Variants in ADGRB3 observed in about 807,000 individuals in gnomAD.
ADGRB3 encodes brain-specific angiogenesis inhibitor 3.
A neutral mutation model predicts 193.4 loss-of-function variants in ADGRB3; 37 were observed. That is an observed-to-expected ratio of 0.19 (90% CI 0.15 to 0.25). The LOEUF (loss-of-function observed/expected upper bound fraction) is 0.25. Ranked by LOEUF, ADGRB3 falls within the 10% of genes least tolerant of loss-of-function variation. The pLI is 1.00. For missense variants in ADGRB3, 1,637 were observed against 1,852.9 expected, an observed-to-expected ratio of 0.88 and a Z score of 2.14; for synonymous variants, 690 against 644.2, an observed-to-expected ratio of 1.07 and a Z score of -1.08.
chr6:69,343,160 AT>A (rs978007343), intron 26 of ADGRB3, among the ~76,000 whole-genome samples: 42 of 143,604 alleles, frequency 2.9e-4, no homozygotes, highest in South Asian at 1.1e-3. Context: ...ATTTTTTTTT[AT>A]TTTTTTTTCC....
rs529731165 is a variant in ADGRB3 at position 68,702,308 on chromosome 6, G to A, written c.757+62876G>A. On this transcript the variant is annotated intron_variant, in intron 3 of 31. Coordinates refer to ENST00000370598, the MANE Select transcript of ADGRB3 (RefSeq NM_001704.3). ...TCACTTTTGCAAAAATAGCACCAAGGGGATGGTACTAAACCATTCATGAGA... is the reference window on the plus strand; with the variant it reads ...TCACTTTTGCAAAAATAGCACCAAGAGGATGGTACTAAACCATTCATGAGA... Among the ~76,000 whole-genome samples, 7 of 151,980 alleles carry A rather than the reference G, an allele frequency of 4.6e-5. 1 individual carries two copies. In the South Asian group the frequency reaches 1.5e-3, roughly 32 times the overall value.
At chr6:68,920,835 A>G (rs1403264913) in intron 3 of ADGRB3, among the ~76,000 whole-genome samples, 1 of 152,176 alleles carries the variant, frequency 6.6e-6, no homozygotes, top group Admixed American at 6.5e-5. Context: ...TTAAAGCACA[A>G]TGTACAAATG....
At chr6:68,905,386 C>A (rs908127543) in intron 3 of ADGRB3, among the ~76,000 whole-genome samples, 1 of 152,122 alleles carries the variant, frequency 6.6e-6, no homozygotes, top group Non-Finnish European at 1.5e-5. Flanking sequence ...TAAGTTAATT[C>A]TATTTCTTAC....
chr6:69,038,242 G>A (rs559929085), intron 13 of ADGRB3, among the ~76,000 whole-genome samples: 2 of 152,036 alleles, frequency 1.3e-5, no homozygotes, highest in Non-Finnish European at 2.9e-5. Context: ...GCCTGCATTG[G>A]TGCCTAACTC....
At chr6:68,772,878 CAAACA>C (rs754085935) in intron 3 of ADGRB3, among the ~76,000 whole-genome samples, 233 of 15,582 alleles carry the variant, frequency 0.015, 1 homozygote, top group Middle Eastern at 0.042. Flanking sequence ...AACAAACAAA[CAAACA>C]AAAAAAAAAA....
chr6:68,892,662 A>T (rs79196746), intron 3 of ADGRB3, among the ~76,000 whole-genome samples: 13,721 of 152,172 alleles, frequency 0.09, 805 homozygotes, highest in Non-Finnish European at 0.13. Context: ...TGTGCAATAA[A>T]TATTGGCTGG....
intron 3 of ADGRB3, among the ~76,000 whole-genome samples, chr6:68,680,952 T>A (rs1764883879): frequency 6.6e-6 from 1 of 152,148 alleles, no homozygotes; most frequent in Non-Finnish European, 1.5e-5. Context: ...GGAGGTTGAG[T>A]AATTTATAAA....
chr6:68,870,518 A>C (rs1233427667), intron 3 of ADGRB3, among the ~76,000 whole-genome samples: 3 of 152,192 alleles, frequency 2.0e-5, no homozygotes, highest in Non-Finnish European at 4.4e-5. Context: ...TTTATTTACT[A>C]CCCTCATAGC....
At chr6:68,695,586 T>G (rs187577020) in intron 3 of ADGRB3, among the ~76,000 whole-genome samples, 1 of 152,150 alleles carries the variant, frequency 6.6e-6, no homozygotes, top group East Asian at 1.9e-4. Flanking sequence ...AAGGGCCCCC[T>G]GGATTGTGTG....
chr6:69,096,158 T>A (rs1028145491), intron 17 of ADGRB3, among the ~76,000 whole-genome samples: 6 of 152,192 alleles, frequency 3.9e-5, no homozygotes, highest in Admixed American at 3.9e-4. Context: ...TGGAAGTCCC[T>A]TTAGTTCATA....
chr6:69,031,038 T>TTTTTTTTTC (rs1562128816), intron 13 of ADGRB3, among the ~76,000 whole-genome samples: 1 of 5,660 alleles, frequency 1.8e-4, no homozygotes, highest in African/African-American at 4.9e-4. Flanking sequence ...TCTTCTCTTC[T>TTTTTTTTTC]CTCTTCTCTT....
intron 20 of ADGRB3, among the ~76,000 whole-genome samples, chr6:69,284,476 C>G (rs1335229694): frequency 6.6e-6 from 1 of 152,052 alleles, no homozygotes; most frequent in African/African-American, 2.4e-5. Context: ...GCGTTGTAAA[C>G]TGTCAGACTT....
intron 5 of ADGRB3, among the ~76,000 whole-genome samples, chr6:68,943,201 G>A (rs537325076): frequency 6.6e-6 from 1 of 151,980 alleles, no homozygotes; most frequent in Non-Finnish European, 1.5e-5. Context: ...TTTGAAACAG[G>A]GCAAAGAGGA....
chr6:69,238,370 C>T (rs1766315020), intron 19 of ADGRB3, among the ~76,000 whole-genome samples: 1 of 152,050 alleles, frequency 6.6e-6, no homozygotes, highest in African/African-American at 2.4e-5. Flanking sequence ...ACATTTGATT[C>T]TGAGCAGTTT....
At chr6:68,792,633 T>C (rs1767129766) in intron 3 of ADGRB3, among the ~76,000 whole-genome samples, 1 of 152,206 alleles carries the variant, frequency 6.6e-6, no homozygotes, top group African/African-American at 2.4e-5. Context: ...TACTCTGCAC[T>C]ATCAGCATTT....
At position 69,232,991 on chromosome 6, in the gene ADGRB3, C is replaced by A. The variant is rs867056657; in HGVS notation, c.2481-299C>A. ...ACGCTCTGGCGGCTGCTCGTGCTGCCGCCGCTGCCGCTGCTGTTCCTCGCA... is the reference window on the plus strand; with the variant it reads ...ACGCTCTGGCGGCTGCTCGTGCTGCAGCCGCTGCCGCTGCTGTTCCTCGCA... On this transcript the variant is annotated intron_variant, in intron 17 of 31. Coordinates refer to ENST00000370598, the MANE Select transcript of ADGRB3 (RefSeq NM_001704.3). 6 of 431,300 alleles carry A rather than the reference C, an allele frequency of 1.4e-5. No homozygotes were observed. In the South Asian group the frequency reaches 2.0e-4, roughly 15 times the overall value. The allele number at this position is 431,300 out of a possible 1,614,324, so 26.7% of individuals were successfully genotyped here. A position where few individuals can be genotyped will look rare whatever the true frequency, so the allele number is the denominator to read the frequency against.
At chr6:69,216,326 C>G (rs758141077) in intron 17 of ADGRB3, among the ~76,000 whole-genome samples, 7 of 152,044 alleles carry the variant, frequency 4.6e-5, no homozygotes, top group Non-Finnish European at 8.8e-5. Flanking sequence ...GAAAATTTAC[C>G]TAAGACTGAT....
chr6:69,173,619 T>C (rs1251812306), intron 17 of ADGRB3, among the ~76,000 whole-genome samples: 1 of 152,098 alleles, frequency 6.6e-6, no homozygotes, highest in Non-Finnish European at 1.5e-5. Flanking sequence ...ATGGAAAGGA[T>C]ATTATAATAG....
chr6:69,298,374 G>A (rs532917729), intron 20 of ADGRB3, among the ~76,000 whole-genome samples: 36 of 151,676 alleles, frequency 2.4e-4, no homozygotes, highest in Non-Finnish European at 3.4e-4. Flanking sequence ...TATAATAATT[G>A]TATATATTTT....
Sources: allele counts gnomAD v4.1 joint callset (sites outside exome capture counted in the v4.1 genomes callset), GRCh38; gene constraint gnomAD v4.1.1; transcripts MANE v1.5; gene names NCBI Gene and HGNC (gene_info 2026-07-23, HGNC 2026-07-21).